The following NEMF variants were observed in gnomAD, a reference collection of about 807,000 sequenced individuals.
NEMF encodes the protein nuclear export mediator factor.
Under a neutral mutation model 162.2 loss-of-function variants are expected in NEMF, and 89 were observed. That is an observed-to-expected ratio of 0.55 (90% confidence interval 0.46 to 0.65). The LOEUF is 0.65. Among genes scored for constraint, NEMF ranks in the 30% least tolerant of loss-of-function variants. The pLI, the probability that NEMF is intolerant of heterozygous loss-of-function variation, is 0.00. For synonymous variants in NEMF, 421 were observed against 404.5 expected (o/e 1.04, Z -0.49); for missense variants, 1,133 against 1,261.9 (o/e 0.90, Z 1.55).
chr14:49,790,951 C>T (rs907058118), intron 26 of NEMF, among the ~76,000 whole-genome samples: 1 of 152,094 alleles, frequency 6.6e-6, no homozygotes, highest in Non-Finnish European at 1.5e-5. Flanking sequence ...CGAGATCATG[C>T]TATTGCACTC....
In NEMF at chr14:49,829,255, T is replaced by C; in HGVS notation, c.1031A>G (p.Asp344Gly). ...TTCTATGAGCTCTCCTTTCAGTTTGTCTATTTCCTTAAAAAACAAACCACA... is the reference window on the plus strand; with the variant it reads ...TTCTATGAGCTCTCCTTTCAGTTTGCCTATTTCCTTAAAAAACAAACCACA... Reference protein sequence around the residue: ...LEALQQAQEIDKLKGELIEMN... With the variant: ...LEALQQAQEIGKLKGELIEMN... The change falls in exon 13 of 33, where the codon GAC becomes GGC. Residue 344 changes from aspartate to glycine, a missense_variant. Physicochemically the swap from Asp to Gly is moderately conservative, Grantham distance 94. Around this residue, in one of 3 missense-constraint regions of NEMF, gnomAD observed 582 missense variants for 631.5 expected, o/e 0.92. Transcript: ENST00000298310. The C allele has an allele frequency of 6.2e-7, 1 of 1,614,070 alleles. No individual in the cohort carries two copies.
At chr14:49,804,510 T>C (rs1891097388) in intron 19 of NEMF, among the ~76,000 whole-genome samples, 1 of 151,844 alleles carries the variant, frequency 6.6e-6, no homozygotes, top group Non-Finnish European at 1.5e-5. Context: ...ACCCTGTCTC[T>C]ACTAAAATTA....
chr14:49,787,795 G>C (rs951048948), intron 28 of NEMF, among the ~76,000 whole-genome samples: 1 of 152,032 alleles, frequency 6.6e-6, no homozygotes, highest in Non-Finnish European at 1.5e-5. Context: ...AATTTTAAAA[G>C]CCAAAACGAG....
intron 6 of NEMF, among the ~76,000 whole-genome samples, chr14:49,837,006 G>A (rs1892939069): frequency 6.6e-6 from 1 of 152,132 alleles, no homozygotes; most frequent in South Asian, 2.1e-4. Context: ...CAGGCACGGT[G>A]CCTCACACCT....
At position 49,832,281 on chromosome 14, in the gene NEMF, C is replaced by A; in HGVS notation, c.736-4G>T. 1.3e-6 allele frequency: 2 copies of A among 1,544,106 alleles called. No homozygotes were observed. The highest frequency in any genetic ancestry group is 2.3e-5 in the South Asian group (2 of 85,554). ...CTCTTTTCTGAATGATATATCCCTA[C>A]AAAAATGCAACATTAAAATCATTCC... On this transcript the variant is annotated splice_region_variant and splice_polypyrimidine_tract_variant and intron_variant, in intron 8 of 32. Coordinates refer to ENST00000298310, the MANE Select transcript of NEMF (RefSeq NM_004713.6).
intron 25 of NEMF, among the ~76,000 whole-genome samples, chr14:49,798,138 CGAATGAATGAAT>C (rs906585335): frequency 3.3e-5 from 5 of 152,088 alleles, no homozygotes; most frequent in African/African-American, 4.8e-5. Flanking sequence ...GGTTGAAAAA[CGAATGAATGAAT>C]GAATGAATGA....
intron 16 of NEMF, among the ~76,000 whole-genome samples, chr14:49,821,996 A>T (rs891770627): frequency 5.9e-5 from 9 of 151,980 alleles, no homozygotes; most frequent in African/African-American, 2.2e-4. Context: ...GATCCTGTTG[A>T]TCTATGACCT....
At position 49,802,567 on chromosome 14, in the gene NEMF, C is replaced by A; in HGVS notation, c.1981G>T (p.Glu661Ter). 1 of 1,613,854 alleles carries A rather than the reference C, an allele frequency of 6.2e-7. No homozygotes were observed. The highest frequency in any genetic ancestry group is 8.5e-7 in the Non-Finnish European group (1 of 1,179,950). The change falls in exon 22 of 33, where the codon GAG becomes TAG. Residue 661 changes from glutamate to a stop codon, truncating the protein, a stop_gained. Coordinates refer to ENST00000298310, the MANE Select transcript of NEMF (RefSeq NM_004713.6). LOFTEE classifies it high-confidence loss of function. ...CCCTGATGTCTCCAAACACAAGACT[C>A]ATCTACCTAAAGAAACAGTTATTTT... ...MGFSFLFKVD[E>*]SCVWRHQGER... is the part of the protein sequence containing the mutation.
intron 4 of NEMF, among the ~76,000 whole-genome samples, chr14:49,841,921 C>T (rs1281927081): frequency 6.6e-6 from 1 of 152,090 alleles, no homozygotes; most frequent in Non-Finnish European, 1.5e-5. Flanking sequence ...GCCTGACCAA[C>T]ATGGAGAAAC....
At position 49,795,695 on chromosome 14, in the gene NEMF, T is replaced by C. The variant is rs1330343141; in HGVS notation, c.2619+96A>G. 3.5e-6 allele frequency: 4 copies of C among 1,142,992 alleles called. 1 individual carries two copies. In the African/African-American group the frequency reaches 6.3e-5, roughly 18 times the overall value. 70.8% of individuals were successfully genotyped at this position (1,142,992 alleles called of 1,614,324 possible). ...TCAAAGGAAATCACACAGGATTATT[T>C]TTTGGCCTACATTTTCTATTTCACT... On this transcript the variant is annotated intron_variant, in intron 26 of 32. Coordinates refer to ENST00000298310, the MANE Select transcript of NEMF (RefSeq NM_004713.6).
chr14:49,831,947 G>C, intron 10 of NEMF, 104 bp downstream of exon 10: 1 of 709,880 alleles, frequency 1.4e-6, no homozygotes, highest in East Asian at 2.8e-5. Context: ...GATTCACAGT[G>C]AATGTAAAGC....
chr14:49,843,768 A>C (rs182887340), intron 4 of NEMF, among the ~76,000 whole-genome samples: 1 of 152,336 alleles, frequency 6.6e-6, no homozygotes, highest in Admixed American at 6.5e-5. Context: ...AAGTACATCT[A>C]AATATAGAAA....
At chr14:49,803,586 C>T (rs1489206864) in intron 19 of NEMF, among the ~76,000 whole-genome samples, 1 of 150,996 alleles carries the variant, frequency 6.6e-6, no homozygotes, top group East Asian at 1.9e-4. Flanking sequence ...AGTGCAGTGG[C>T]ACAATCTCGG....
intron 28 of NEMF, chr14:49,787,043 C>T: frequency 3.9e-6 from 1 of 256,736 alleles, no homozygotes; most frequent in Non-Finnish European, 7.4e-6. Flanking sequence ...TATGTTAAAG[C>T]AGCAAAAGTT....
Position 49,832,212 on chromosome 14 carries a change from T to C in NEMF, c.801A>G (p.Ile267Met), listed in dbSNP as rs745386712. 2.5e-6 allele frequency: 4 copies of C among 1,609,558 alleles called. No individual in the cohort carries two copies. In the African/African-American group the frequency reaches 4.0e-5, roughly 16 times the overall value. Residue 267 changes from isoleucine (I) to methionine (M), a missense_variant, in exon 9 of 33, where the codon ATA (isoleucine) becomes ATG (methionine). By Grantham distance (10) the Ile-to-Met change is conservative. This residue lies in a region of NEMF where 582 missense variants were observed against 631.5 expected (regional missense o/e 0.92). Transcript: ENST00000298310. Reference protein sequence around the residue: ...SLEADKPVEDILTYEEFHPFL... With the variant: ...SLEADKPVEDMLTYEEFHPFL... ...ACCCATGCCTATATGCTTACGTCAG[T>C]ATGTCTTCAACTGGTTTATCTGCTT...
intron 4 of NEMF, among the ~76,000 whole-genome samples, chr14:49,842,421 AAAG>A (rs1893260228): frequency 1.3e-5 from 2 of 152,226 alleles, no homozygotes; most frequent in African/African-American, 4.8e-5. Context: ...TTTCAATAAA[AAAG>A]AAGGGGGAAC....
chr14:49,782,261 C>T lies in NEMF; in HGVS notation c.*2375G>A. On this transcript the variant is annotated 3_prime_UTR_variant, in exon 33 of 33. Coordinates refer to ENST00000298310, the MANE Select transcript of NEMF (RefSeq NM_004713.6). ...TTACTTCTCGCCATGATGTTTTGGT[C>T]TGAACTACCTTAAGATCGCTAGTCT... 1.5e-6 allele frequency: 1 copy of T among 649,980 alleles called. No homozygotes were observed. The highest frequency in any genetic ancestry group is 2.8e-5 in the East Asian group (1 of 35,534). 40.3% of individuals were successfully genotyped at this position (649,980 alleles called of 1,614,324 possible).
At chr14:49,841,391 A>G (rs1893199231) in intron 4 of NEMF, among the ~76,000 whole-genome samples, 1 of 151,550 alleles carries the variant, frequency 6.6e-6, no homozygotes, top group South Asian at 2.1e-4. Context: ...CTTGACCAAC[A>G]TGGAGAAACC....
intron 5 of NEMF, among the ~76,000 whole-genome samples, chr14:49,839,021 C>A (rs956926803): frequency 2.6e-5 from 4 of 151,776 alleles, no homozygotes; most frequent in African/African-American, 9.7e-5. Flanking sequence ...GTGGGGGTGG[C>A]AATCTATGTT....
Sources: gnomAD v4.1 joint callset for allele counts (sites outside exome capture counted in the v4.1 genomes callset) on GRCh38, gnomAD v4.1.1 for gene constraint, gnomAD v4.1.1 regional missense constraint, MANE v1.5 for transcripts, NCBI Gene and HGNC (gene_info 2026-07-23, HGNC 2026-07-21) for gene names.